The following RPS6KC1 variants were observed in gnomAD, a reference collection of about 807,000 sequenced individuals.
RPS6KC1 encodes ribosomal protein S6 kinase C1, also known as inactive ribosomal protein S6 kinase delta-1.
RPS6KC1 carries 54 observed loss-of-function variants against 103.8 expected under a neutral mutation model. That is an observed-to-expected ratio of 0.52 (90% confidence interval 0.42 to 0.65). The LOEUF is 0.65. Ranked by LOEUF, RPS6KC1 falls within the 30% of genes least tolerant of loss-of-function variation. The probability of loss-of-function intolerance (pLI) is 0.00; values close to 1 mark genes in which losing one functional copy is unlikely to be tolerated. For missense variants in RPS6KC1, 1,151 were observed against 1,253.8 expected, an observed-to-expected ratio of 0.92 and a Z score of 1.24; for synonymous variants, 439 against 438.7, an observed-to-expected ratio of 1.00 and a Z score of -0.01.
the RPS6KC1 span, among the ~76,000 whole-genome samples, chr1:213,564,752 T>C: frequency 2.0e-5 from 3 of 152,244 alleles, no homozygotes; most frequent in Non-Finnish European, 4.4e-5. Flanking sequence ...GTTAGTAATT[T>C]GTTTCTGTGG....
chr1:213,500,419 C>T, the RPS6KC1 span, among the ~76,000 whole-genome samples: 1 of 151,914 alleles, frequency 6.6e-6, no homozygotes, highest in African/African-American at 2.4e-5. Context: ...GCCTGAGGCT[C>T]TTTTATAGTT....
the RPS6KC1 span, among the ~76,000 whole-genome samples, chr1:213,383,503 G>A: frequency 1.3e-5 from 2 of 152,148 alleles, no homozygotes; most frequent in African/African-American, 2.4e-5. Context: ...TTTCATATCC[G>A]CATCTGTAAA....
intron 6 of RPS6KC1, among the ~76,000 whole-genome samples, chr1:213,164,234 AG>A (rs1286291550): frequency 6.6e-6 from 1 of 152,226 alleles, no homozygotes; most frequent in Non-Finnish European, 1.5e-5. Context: ...TTCTTGGATA[AG>A]TTAGAATTTC....
At chr1:213,313,507 A>G in the RPS6KC1 span, among the ~76,000 whole-genome samples, 2 of 152,014 alleles carry the variant, frequency 1.3e-5, no homozygotes, top group East Asian at 1.9e-4. Flanking sequence ...ACACTTTCCT[A>G]TATGCCACCT....
chr1:213,129,976 C>A, intron 6 of RPS6KC1, 87 bp downstream of exon 6: 10 of 1,256,662 alleles, frequency 8.0e-6, no homozygotes, highest in African/African-American at 1.5e-5. Context: ...TCTGTATAGT[C>A]TTATGGAAAT....
intron 8 of RPS6KC1, among the ~76,000 whole-genome samples, chr1:213,201,106 A>G (rs2093146599): frequency 6.6e-6 from 1 of 152,158 alleles, no homozygotes; most frequent in African/African-American, 2.4e-5. Context: ...CTGCACATGT[A>G]CCCCTGAACT....
the RPS6KC1 span, among the ~76,000 whole-genome samples, chr1:213,775,288 AG>A: frequency 6.6e-6 from 1 of 152,220 alleles, no homozygotes; most frequent in Non-Finnish European, 1.5e-5. Flanking sequence ...CTCAAATAAT[AG>A]GTGGTCTAAT....
chr1:213,676,758 C>A, the RPS6KC1 span, among the ~76,000 whole-genome samples: 3 of 152,222 alleles, frequency 2.0e-5, no homozygotes, highest in Non-Finnish European at 4.4e-5. Context: ...GACTTCTTTT[C>A]TGTATACCCC....
the RPS6KC1 span, among the ~76,000 whole-genome samples, chr1:213,687,250 T>A: frequency 6.6e-6 from 1 of 152,218 alleles, no homozygotes; most frequent in Non-Finnish European, 1.5e-5. Flanking sequence ...CTATTCAAGA[T>A]GGAGTCGCTC....
At chr1:213,839,350 C>A in the RPS6KC1 span, among the ~76,000 whole-genome samples, 2 of 152,126 alleles carry the variant, frequency 1.3e-5, no homozygotes, top group Non-Finnish European at 2.9e-5. Context: ...GCCATCCTGG[C>A]CCTGGGGCAA....
the RPS6KC1 span, among the ~76,000 whole-genome samples, chr1:213,536,138 T>C: frequency 6.6e-6 from 1 of 152,232 alleles, no homozygotes; most frequent in Non-Finnish European, 1.5e-5. Flanking sequence ...CAGATAGTTC[T>C]GAACGTTCCT....
the RPS6KC1 span, among the ~76,000 whole-genome samples, chr1:213,805,025 C>G: frequency 2.0e-5 from 3 of 152,192 alleles, no homozygotes; most frequent in East Asian, 3.8e-4. Flanking sequence ...CTGTAGTCTA[C>G]GAAGTGAGCA....
At chr1:213,515,916 T>C in the RPS6KC1 span, among the ~76,000 whole-genome samples, 1 of 151,046 alleles carries the variant, frequency 6.6e-6, no homozygotes, top group Non-Finnish European at 1.5e-5. Flanking sequence ...TGAGCAGTGG[T>C]TTGTAGTTCT....
chr1:213,846,261 C>T, the RPS6KC1 span, among the ~76,000 whole-genome samples: 3 of 151,900 alleles, frequency 2.0e-5, no homozygotes, highest in Non-Finnish European at 2.9e-5. Flanking sequence ...GATCACACCA[C>T]TGCACTCCAG....
At chr1:213,841,568 A>T in the RPS6KC1 span, among the ~76,000 whole-genome samples, 1 of 151,702 alleles carries the variant, frequency 6.6e-6, no homozygotes, top group Non-Finnish European at 1.5e-5. Flanking sequence ...ATTTGAGGAA[A>T]CTCCTTCATT....
At chr1:213,352,799 G>A in the RPS6KC1 span, among the ~76,000 whole-genome samples, 5 of 152,154 alleles carry the variant, frequency 3.3e-5, no homozygotes, top group Non-Finnish European at 5.9e-5. Flanking sequence ...CTCAGCATTG[G>A]GAGGCTGAGG....
At chr1:213,259,982 G>T (rs957357826) in intron 12 of RPS6KC1, among the ~76,000 whole-genome samples, 1 of 151,942 alleles carries the variant, frequency 6.6e-6, no homozygotes, top group African/African-American at 2.4e-5. Context: ...CAGGTGATCC[G>T]CCTGCCTCAG....
At chr1:213,311,006 C>T in the RPS6KC1 span, among the ~76,000 whole-genome samples, 12 of 152,192 alleles carry the variant, frequency 7.9e-5, no homozygotes, top group East Asian at 1.9e-4. Context: ...CTCAGTGGGG[C>T]GAAGACACTC....
chr1:213,123,494 C>T (rs765980575), intron 5 of RPS6KC1, among the ~76,000 whole-genome samples: 6 of 152,028 alleles, frequency 3.9e-5, no homozygotes, highest in African/African-American at 9.7e-5. Flanking sequence ...GACCCAAGAA[C>T]GTTATAAAAA....
Sources: allele counts gnomAD v4.1 joint callset (sites outside exome capture counted in the v4.1 genomes callset), GRCh38; gene constraint gnomAD v4.1.1; transcripts MANE v1.5; gene names NCBI Gene and HGNC (gene_info 2026-07-23, HGNC 2026-07-21).